The following DOCK1 variants were observed in gnomAD, a reference collection of about 807,000 sequenced individuals.
DOCK1 encodes the protein dedicator of cytokinesis 1, also known as dedicator of cytokinesis protein 1.
Under a neutral mutation model 262.7 loss-of-function variants are expected in DOCK1, and 138 were observed. That is an observed-to-expected ratio of 0.53 (90% CI 0.46 to 0.61). The LOEUF is 0.61. Among genes scored for constraint, DOCK1 ranks in the 20% least tolerant of loss-of-function variants. The probability of loss-of-function intolerance (pLI) is 0.00; values close to 1 mark genes in which losing one functional copy is unlikely to be tolerated. For synonymous variants in DOCK1, 866 were observed against 867.4 expected (o/e 1.00, Z 0.03); for missense variants, 1,908 against 2,370.7 (o/e 0.80, Z 4.05).
chr10:126,946,294 C>A, intron 1 of DOCK1, among the ~76,000 whole-genome samples: 1 of 152,258 alleles, frequency 6.6e-6, no homozygotes, highest in Non-Finnish European at 1.5e-5. Flanking sequence ...TGCCTGTATT[C>A]CTAGCACTTT....
At chr10:127,275,205 G>A (rs1177849272) in intron 29 of DOCK1, among the ~76,000 whole-genome samples, 1 of 151,966 alleles carries the variant, frequency 6.6e-6, no homozygotes, top group Admixed American at 6.5e-5. Context: ...TTTAGCAGTG[G>A]AAGATAAGTC....
At chr10:127,265,723 T>C (rs1340864820) in intron 29 of DOCK1, among the ~76,000 whole-genome samples, 1 of 152,232 alleles carries the variant, frequency 6.6e-6, no homozygotes, top group African/African-American at 2.4e-5. Flanking sequence ...TAGAATGCAT[T>C]TCCTCACTTA....
At chr10:127,095,540 A>G (rs1265251591) in intron 23 of DOCK1, among the ~76,000 whole-genome samples, 2 of 152,210 alleles carry the variant, frequency 1.3e-5, no homozygotes, top group Non-Finnish European at 2.9e-5. Flanking sequence ...TCATTGCTGC[A>G]TGGCACAGCT....
intron 1 of DOCK1, among the ~76,000 whole-genome samples, chr10:126,936,002 A>G (rs1240818582): frequency 3.3e-5 from 5 of 152,328 alleles, no homozygotes; most frequent in African/African-American, 1.2e-4. Flanking sequence ...ATTTTTTTAG[A>G]CAAGGCCTCA....
intron 50 of DOCK1, among the ~76,000 whole-genome samples, chr10:127,445,755 G>A (rs2070497904): frequency 6.6e-6 from 1 of 152,186 alleles, no homozygotes. Flanking sequence ...CAGGCCAAAT[G>A]TCCATCAACT....
chr10:126,941,538 C>T lies in DOCK1; in HGVS notation c.47-29164C>T, dbSNP rs954806615. On this transcript the variant is annotated intron_variant, in intron 1 of 51. Coordinates refer to ENST00000623213, the MANE Select transcript of DOCK1 (RefSeq NM_001290223.2). The stretch of plus-strand genomic sequence containing the variant: ...GTGGGAGGCCAAGGCGGGCGGATCA[C>T]GAGGTCAGGAGATCGAGACCATCCT... 4.2e-3 allele frequency among the ~76,000 whole-genome samples: 644 copies of T among 152,262 alleles called. 5 individuals are homozygous for T. The highest frequency in any genetic ancestry group is 0.014 in the African/African-American group (590 of 41,578).
intron 27 of DOCK1, among the ~76,000 whole-genome samples, chr10:127,159,137 CAG>C (rs1437026156): frequency 6.6e-6 from 1 of 152,210 alleles, no homozygotes; most frequent in African/African-American, 2.4e-5. Flanking sequence ...CTGTTAGAAA[CAG>C]AAGGGATCTG....
At chr10:127,142,750 A>C (rs1480302375) in intron 27 of DOCK1, among the ~76,000 whole-genome samples, 1 of 151,524 alleles carries the variant, frequency 6.6e-6, no homozygotes, top group Non-Finnish European at 1.5e-5. Context: ...CCACCCAAAC[A>C]CTCTGTGCCC....
intron 2 of DOCK1, among the ~76,000 whole-genome samples, chr10:126,972,805 G>GA (rs987379944): frequency 2.2e-4 from 32 of 147,198 alleles, no homozygotes; most frequent in African/African-American, 4.2e-4. Flanking sequence ...AGTCCTGTCT[G>GA]AAAAAAAAAA....
intron 43 of DOCK1, among the ~76,000 whole-genome samples, chr10:127,411,842 A>G (rs2067868935): frequency 6.6e-6 from 1 of 152,220 alleles, no homozygotes; most frequent in African/African-American, 2.4e-5. Context: ...CTCCATCAAA[A>G]AAATAAAGTT....
In DOCK1 at chr10:127,447,553, G is replaced by A. The variant is rs149216249; in HGVS notation, c.5565+8G>A. ...CCCCCTCCACACCAGAGGGTAAGTC[G>A]GCAATCTGAAACACAGGCTTTCATT... is the stretch of plus-strand genomic sequence containing the variant. On this transcript the variant is annotated splice_region_variant and intron_variant, in intron 51 of 51. Transcript: ENST00000623213. 6.5e-5 allele frequency: 105 copies of A among 1,613,156 alleles called. No individual in the cohort carries two copies. Among genetic ancestry groups the A allele is most frequent in the African/African-American group, 2.7e-4 (20 of 75,024 alleles).
intron 29 of DOCK1, among the ~76,000 whole-genome samples, chr10:127,274,917 T>G (rs1208985616): frequency 6.6e-6 from 1 of 152,186 alleles, no homozygotes; most frequent in Non-Finnish European, 1.5e-5. Context: ...TAAAATGTTC[T>G]TTACCCTCCT....
At chr10:126,905,663 G>T (rs985260053) in intron 1 of DOCK1, 100 bp downstream of exon 1, 33 of 170,320 alleles carry the variant, frequency 1.9e-4, no homozygotes, top group Non-Finnish European at 3.7e-4. Context: ...GCGGCCGCCG[G>T]GCCGGGGAGA....
chr10:127,261,296 G>GGT (rs535927864), intron 29 of DOCK1, among the ~76,000 whole-genome samples: 32 of 61,616 alleles, frequency 5.2e-4, no homozygotes, highest in Non-Finnish European at 8.1e-4. Context: ...TGTGCATGTG[G>GGT]GTGTGTGTGT....
At chr10:127,099,127 T>A (rs1487908712) in intron 23 of DOCK1, among the ~76,000 whole-genome samples, 1 of 152,136 alleles carries the variant, frequency 6.6e-6, no homozygotes, top group Non-Finnish European at 1.5e-5. Context: ...GACAACTTTT[T>A]CCCTTAGTTA....
chr10:127,285,114 G>A (rs2061102249), intron 29 of DOCK1, among the ~76,000 whole-genome samples: 1 of 152,134 alleles, frequency 6.6e-6, no homozygotes, highest in Admixed American at 6.5e-5. Flanking sequence ...CTCCAGCCTG[G>A]GCGACAGAGT....
chr10:127,050,453 C>T (rs147970154), intron 21 of DOCK1, among the ~76,000 whole-genome samples: 3,753 of 152,074 alleles, frequency 0.025, 68 homozygotes, highest in Non-Finnish European at 0.033. Context: ...TGGCTCACAC[C>T]GGTAATCCCA....
intron 14 of DOCK1, 110 bp from the exon 15 acceptor site, chr10:127,024,575 T>G (rs1591709633): frequency 3.6e-6 from 3 of 823,978 alleles, no homozygotes; most frequent in South Asian, 2.1e-5. Context: ...GTGGTGGGGG[T>G]GTGTTGGTGT....
chr10:127,185,910 G>A (rs1386948270), intron 27 of DOCK1, among the ~76,000 whole-genome samples: 2 of 152,180 alleles, frequency 1.3e-5, no homozygotes, highest in African/African-American at 2.4e-5. Flanking sequence ...TACTGTTGTA[G>A]AAAATGTGAC....
Sources: gnomAD v4.1 joint callset for allele counts (sites outside exome capture counted in the v4.1 genomes callset) on GRCh38, gnomAD v4.1.1 for gene constraint, MANE v1.5 for transcripts, NCBI Gene and HGNC (gene_info 2026-07-23, HGNC 2026-07-21) for gene names.